TENT2: variants seen among roughly 807,000 people sequenced by gnomAD.
The protein encoded by TENT2 is poly(A) RNA polymerase GLD2.
A neutral mutation model predicts 72.2 loss-of-function variants in TENT2; 44 were observed. The observed-to-expected ratio is 0.61, with a 90% CI of 0.48 to 0.78. The LOEUF (loss-of-function observed/expected upper bound fraction) is 0.78, where lower values mean the gene tolerates loss of function less well. Among genes scored for constraint, TENT2 ranks in the 30% least tolerant of loss-of-function variants. TENT2 has a pLI of 0.00. For synonymous variants in TENT2, 212 were observed against 192.5 expected (o/e 1.10, Z -0.84); for missense variants, 541 against 569.6 (o/e 0.95, Z 0.51).
In TENT2 at chr5:79,685,330, T is replaced by C; in HGVS notation, c.*57T>C. 7.8e-7 allele frequency: 1 copy of C among 1,281,382 alleles called. No individual in the cohort carries two copies. The highest frequency in any genetic ancestry group is 2.4e-5 in the East Asian group (1 of 41,388). The allele number at this position is 1,281,382 out of a possible 1,614,324, so 79.4% of individuals were successfully genotyped here. On this transcript the variant is annotated 3_prime_UTR_variant, in exon 15 of 15. Coordinates refer to ENST00000453514, the MANE Select transcript of TENT2 (RefSeq NM_001114394.3). ...GAAATAAAGAACAATAGTTTCATCA[T>C]AATACATTATGTTTACCTCCATCAT...
chr5:79,634,186 C>T (rs985534946), intron 4 of TENT2, among the ~76,000 whole-genome samples: 4 of 151,396 alleles, frequency 2.6e-5, no homozygotes, highest in African/African-American at 9.7e-5. Flanking sequence ...TTCTGAATCC[C>T]AGCCAGCACT....
chr5:79,626,454 C>T (rs943046826), intron 4 of TENT2, among the ~76,000 whole-genome samples: 1 of 151,510 alleles, frequency 6.6e-6, no homozygotes, highest in East Asian at 2.0e-4. Context: ...ACTACAGGCG[C>T]CTGCCACCAA....
intron 12 of TENT2, among the ~76,000 whole-genome samples, chr5:79,672,670 T>G (rs1320090094): frequency 1.3e-5 from 2 of 152,242 alleles, no homozygotes; most frequent in African/African-American, 4.8e-5. Context: ...TAGTACTCTA[T>G]TGTGGATAAG....
rs1038426306 is a variant in TENT2 at position 79,683,977 on chromosome 5, T to C, written c.1381-1222T>C. Among the ~76,000 whole-genome samples the C allele has an allele frequency of 3.1e-4, 34 of 108,068 alleles. 1 individual carries two copies. Among genetic ancestry groups the C allele is most frequent in the African/African-American group, 1.0e-3 (31 of 29,586 alleles). 70.9% of individuals were successfully genotyped at this position (108,068 alleles called of 152,430 possible). A position where few individuals can be genotyped will look rare whatever the true frequency, so the allele number is the denominator to read the frequency against. On this transcript the variant is annotated intron_variant, in intron 14 of 14. Coordinates refer to ENST00000453514, the MANE Select transcript of TENT2 (RefSeq NM_001114394.3). ...AGAAATTCTTTAATTTTAAAACAAA[T>C]ATTCAAGAGAGAATATTTTTGTTTA...
chr5:79,619,819 G>A, intron 2 of TENT2, 34 bp downstream of exon 2: 2 of 1,588,208 alleles, frequency 1.3e-6, no homozygotes, highest in Non-Finnish European at 1.7e-6. Context: ...CATGTTGTTG[G>A]TAAATTTCAT....
At chr5:79,676,189 C>CAG (rs1817173576) in intron 12 of TENT2, among the ~76,000 whole-genome samples, 1 of 148,212 alleles carries the variant, frequency 6.7e-6, no homozygotes, top group African/African-American at 2.6e-5. Context: ...CACACACACA[C>CAG]AGCCATATGG....
intron 12 of TENT2, among the ~76,000 whole-genome samples, chr5:79,669,637 T>G (rs1202239122): frequency 6.6e-6 from 1 of 151,984 alleles, no homozygotes; most frequent in African/African-American, 2.4e-5. Context: ...TGGAAAAGCT[T>G]GAGGGGGGAA....
chr5:79,643,986 C>CT (rs555747246), intron 7 of TENT2, among the ~76,000 whole-genome samples: 21,786 of 142,194 alleles, frequency 0.15, 1,912 homozygotes, highest in African/African-American at 0.24. Flanking sequence ...TTGATATATT[C>CT]TTTTTTTTTT....
intron 11 of TENT2, among the ~76,000 whole-genome samples, chr5:79,659,148 T>C (rs1242195278): frequency 1.3e-5 from 2 of 152,044 alleles, no homozygotes; most frequent in Non-Finnish European, 2.9e-5. Flanking sequence ...CACACAAGAT[T>C]TTTTGTTTTA....
chr5:79,661,679 C>T (rs1172882382), intron 11 of TENT2, among the ~76,000 whole-genome samples: 1 of 152,166 alleles, frequency 6.6e-6, no homozygotes, highest in Non-Finnish European at 1.5e-5. Flanking sequence ...ATCAGCTGAG[C>T]CTTCAGCACC....
chr5:79,628,324 T>A (rs1772140932), intron 4 of TENT2, among the ~76,000 whole-genome samples: 1 of 152,308 alleles, frequency 6.6e-6, no homozygotes, highest in South Asian at 2.1e-4. Flanking sequence ...GTTGAAGGTT[T>A]TAAAGTAGAG....
chr5:79,661,037 A>C (rs1802461812), intron 11 of TENT2, among the ~76,000 whole-genome samples: 1 of 152,204 alleles, frequency 6.6e-6, no homozygotes, highest in Admixed American at 6.5e-5. Flanking sequence ...TAGAATAAGG[A>C]TATAAAGAAA....
chr5:79,651,103 C>G (rs1164684388), intron 10 of TENT2, among the ~76,000 whole-genome samples: 1 of 151,900 alleles, frequency 6.6e-6, no homozygotes, highest in Admixed American at 6.6e-5. Context: ...AAAAAAAATA[C>G]ATTTCCCATG....
chr5:79,669,674 A>T (rs981603329), intron 12 of TENT2, among the ~76,000 whole-genome samples: 1 of 152,110 alleles, frequency 6.6e-6, no homozygotes, highest in Admixed American at 6.6e-5. Flanking sequence ...ATTGTACAGT[A>T]TTAGAGGCAG....
intron 14 of TENT2, among the ~76,000 whole-genome samples, 180 bp from the exon 15 acceptor site, chr5:79,685,019 C>T (rs1251562791): frequency 6.6e-6 from 1 of 152,148 alleles, no homozygotes; most frequent in African/African-American, 2.4e-5. Context: ...GATTGCACCA[C>T]TGCACTCCAG....
At chr5:79,617,549 C>T (rs1761270315) in intron 1 of TENT2, 1 of 152,200 alleles carries the variant, frequency 6.6e-6, no homozygotes, top group Non-Finnish European at 1.5e-5. Flanking sequence ...TGAAGCCCTG[C>T]ATCCTCCCAT....
chr5:79,623,187 A>G, intron 3 of TENT2, 65 bp from the exon 4 acceptor site: 1 of 1,114,112 alleles, frequency 9.0e-7, no homozygotes. Context: ...TATATATTTA[A>G]TTGCTTTTTA....
intron 7 of TENT2, among the ~76,000 whole-genome samples, chr5:79,643,737 T>C (rs906570163): frequency 6.6e-6 from 1 of 152,156 alleles, no homozygotes; most frequent in African/African-American, 2.4e-5. Flanking sequence ...GAATTTTTAA[T>C]AGCTATTTGA....
intron 10 of TENT2, among the ~76,000 whole-genome samples, chr5:79,651,854 A>G (rs562170084): frequency 6.6e-5 from 10 of 151,988 alleles, no homozygotes; most frequent in South Asian, 2.1e-4. Flanking sequence ...TTGGTAATCA[A>G]AGTTTTATGG....
Sources: gnomAD v4.1 joint callset for allele counts (sites outside exome capture counted in the v4.1 genomes callset) on GRCh38, gnomAD v4.1.1 for gene constraint, MANE v1.5 for transcripts, NCBI Gene and HGNC (gene_info 2026-07-23, HGNC 2026-07-21) for gene names.